CRBN: variants seen among roughly 807,000 people sequenced by gnomAD.
The protein encoded by CRBN is cereblon.
In CRBN, 53 loss-of-function variants were observed where a neutral mutation model predicts 62.2. That is an observed-to-expected ratio of 0.85 (90% CI 0.68 to 1.07). The LOEUF is 1.07. Among genes scored for constraint, CRBN ranks in the 50% least tolerant of loss-of-function variants. CRBN has a pLI of 0.00. For missense variants in CRBN, 616 were observed against 531.1 expected (o/e 1.16, Z -1.57); for synonymous variants, 208 against 176.1 (o/e 1.18, Z -1.43).
At chr3:3,171,791 C>G (rs1211768531) in intron 4 of CRBN, among the ~76,000 whole-genome samples, 3 of 152,152 alleles carry the variant, frequency 2.0e-5, no homozygotes, top group African/African-American at 7.2e-5. Flanking sequence ...CCCCACCCCG[C>G]CCAAAAAAAC....
chr3:3,170,275 C>G (rs1405193651), intron 4 of CRBN, among the ~76,000 whole-genome samples: 1 of 152,196 alleles, frequency 6.6e-6, no homozygotes, highest in African/African-American at 2.4e-5. Flanking sequence ...GTCACCACAC[C>G]TGGCCTCTGT....
chr3:3,171,937 C>A (rs1280807638), intron 4 of CRBN, among the ~76,000 whole-genome samples: 1 of 152,232 alleles, frequency 6.6e-6, no homozygotes, highest in Non-Finnish European at 1.5e-5. Flanking sequence ...GACTGTGTAT[C>A]TGTGAGACCT....
chr3:3,159,003 T>G (rs1335426975), intron 5 of CRBN, among the ~76,000 whole-genome samples: 1 of 152,174 alleles, frequency 6.6e-6, no homozygotes, highest in East Asian at 1.9e-4. Flanking sequence ...ATTAAGACGG[T>G]TTTGACCCTT....
At chr3:3,161,655 G>A (rs1707145234) in intron 5 of CRBN, among the ~76,000 whole-genome samples, 1 of 152,124 alleles carries the variant, frequency 6.6e-6, no homozygotes, top group Non-Finnish European at 1.5e-5. Flanking sequence ...CCAAAGTGCT[G>A]GGATTACAGG....
At chr3:3,172,620 G>C in intron 4 of CRBN, 156 bp downstream of exon 4, 1 of 722,848 alleles carries the variant, frequency 1.4e-6, no homozygotes. Context: ...CTGATGCATA[G>C]CAAGGTTGGA....
At chr3:3,179,710 C>A, upstream of CRBN, 1 of 1,610,466 alleles carries the variant, frequency 6.2e-7, no homozygotes, top group South Asian at 1.1e-5. Flanking sequence ...GCAAAGGAGG[C>A]TGGGACAGGG....
At chr3:3,170,964 C>T (rs962665084) in intron 4 of CRBN, among the ~76,000 whole-genome samples, 1 of 152,128 alleles carries the variant, frequency 6.6e-6, no homozygotes, top group African/African-American at 2.4e-5. Flanking sequence ...CGCCACCATG[C>T]CCGGCTAACT....
intron 5 of CRBN, chr3:3,156,853 C>T (rs1045438957): frequency 6.5e-6 from 1 of 152,764 alleles, no homozygotes; most frequent in African/African-American, 2.4e-5. Flanking sequence ...GAAATCCAAA[C>T]AGGAGCATGC....
rs1706635920 is a variant in CRBN, at chr3:3,152,452, T to C, written c.1148+4A>G. On this transcript the variant is annotated splice_donor_region_variant and intron_variant, in intron 10 of 10. Transcript: ENST00000231948. ...AAAAAAAGCAACCACCACCATAATA[T>C]TACCCAGGAAACCAGCTGTGTTCTG... 3.1e-6 allele frequency: 5 copies of C among 1,613,298 alleles called. No individual in the cohort carries two copies. Among genetic ancestry groups the C allele is most frequent in the African/African-American group, 1.3e-5 (1 of 74,876 alleles).
intron 2 of CRBN, 80 bp from the exon 3 acceptor site, chr3:3,174,341 C>T (rs1707745026): frequency 8.6e-7 from 1 of 1,158,506 alleles, no homozygotes; most frequent in East Asian, 2.5e-5. Context: ...AAGAGCAAAT[C>T]ACATTAAAAG....
Position 3,154,033 on chromosome 3 carries a change from A to G in CRBN, c.878T>C (p.Val293Ala). 1.9e-6 allele frequency: 3 copies of G among 1,613,662 alleles called. No individual in the cohort carries two copies. The highest frequency in any genetic ancestry group is 2.5e-6 in the Non-Finnish European group (3 of 1,179,572). Residue 293 changes from valine to alanine, a missense_variant, in exon 8 of 11, where the codon GTA becomes GCA. Coordinates refer to ENST00000231948, the MANE Select transcript of CRBN (RefSeq NM_016302.4). ...AATTTTAAGGAGCTGAATTCTCAAT[A>G]CATCATCAATAGGAAGACAAGCAGC... ...RVAACLPIDD[V>A]LRIQLLKIGS...
At chr3:3,168,531 T>TAA (rs1207956276) in intron 4 of CRBN, among the ~76,000 whole-genome samples, 2 of 152,174 alleles carry the variant, frequency 1.3e-5, no homozygotes, top group Non-Finnish European at 2.9e-5. Flanking sequence ...TTCTATCTCT[T>TAA]AGAGTGTAGC....
At chr3:3,172,742 T>C (rs1707672153) in intron 4 of CRBN, 34 bp downstream of exon 4, 2 of 1,599,172 alleles carry the variant, frequency 1.3e-6, no homozygotes, top group African/African-American at 2.7e-5. Context: ...TTAGGAAACA[T>C]TCAAAGAGCA....
chr3:3,150,600 A>T lies in CRBN; in HGVS notation c.*265T>A. 2.6e-6 allele frequency: 1 copy of T among 379,358 alleles called. No individual in the cohort carries two copies. Among genetic ancestry groups the T allele is most frequent in the East Asian group, 5.5e-5 (1 of 18,152 alleles). 23.5% of individuals were successfully genotyped at this position (379,358 alleles called of 1,614,324 possible). A position where few individuals can be genotyped will look rare whatever the true frequency, so the allele number is the denominator to read the frequency against. On this transcript the variant is annotated 3_prime_UTR_variant, in exon 11 of 11. Transcript: ENST00000231948. ...TCCCATCAATGACATGCTACCAGAC[A>T]TATCAGATTCCACAGGATAATGGCA... is the stretch of plus-strand genomic sequence containing the variant.
intron 5 of CRBN, among the ~76,000 whole-genome samples, chr3:3,163,253 G>A (rs1193465771): frequency 6.6e-6 from 1 of 152,202 alleles, no homozygotes; most frequent in Non-Finnish European, 1.5e-5. Flanking sequence ...ATGGGATGGA[G>A]TTATTTGTAT....
Position 3,174,083 on chromosome 3 carries a change from C to T in CRBN, c.353G>A (p.Arg118Lys), listed in dbSNP as rs773572766. 1.2e-6 allele frequency: 2 copies of T among 1,614,152 alleles called. No individual in the cohort carries two copies. Among genetic ancestry groups the T allele is most frequent in the South Asian group, 1.1e-5 (1 of 91,092 alleles). The part of the protein sequence containing the change: ...SMVRNLIQKD[R>K]TFAVLAYSNV... The stretch of plus-strand genomic sequence containing the variant: ...CCTGTATGCAAGAACAGCAAAGGTT[C>T]TATCTTTCTGAATTAAATTCCGCAC... The change falls in exon 3 of 11, where the codon AGA (arginine) becomes AAA (lysine). Residue 118 changes from arginine to lysine, a missense_variant. By Grantham distance (26) the Arg-to-Lys change is conservative. Transcript: ENST00000231948.
chr3:3,156,131 C>T (rs1706882766), intron 6 of CRBN, 88 bp downstream of exon 6: 4 of 1,128,966 alleles, frequency 3.5e-6, no homozygotes. Flanking sequence ...GCACTAGAAA[C>T]TGGAAAAACT....
chr3:3,169,414 G>A (rs1707506683), intron 4 of CRBN, among the ~76,000 whole-genome samples: 2 of 152,080 alleles, frequency 1.3e-5, no homozygotes. Flanking sequence ...CAATAAAACT[G>A]CTTCAAGGAA....
At chr3:3,169,983 T>C (rs1707535643) in intron 4 of CRBN, among the ~76,000 whole-genome samples, 1 of 151,920 alleles carries the variant, frequency 6.6e-6, no homozygotes, top group African/African-American at 2.4e-5. Flanking sequence ...GGGGGTTGTA[T>C]ACTTTTTTTC....
Sources: gnomAD v4.1 joint callset for allele counts (sites outside exome capture counted in the v4.1 genomes callset) on GRCh38, gnomAD v4.1.1 for gene constraint, MANE v1.5 for transcripts, NCBI Gene and HGNC (gene_info 2026-07-23, HGNC 2026-07-21) for gene names.